The following TTLL11 variants were observed in gnomAD, a reference collection of about 807,000 sequenced individuals.
TTLL11 encodes tubulin polyglutamylase TTLL11.
In TTLL11, 42 loss-of-function variants were observed where a neutral mutation model predicts 51.7. The ratio of observed to expected loss-of-function variants is 0.81; its 90% CI spans 0.64 to 1.05. The LOEUF is 1.05. Among genes scored for constraint, TTLL11 ranks in the 50% least tolerant of loss-of-function variants. TTLL11 has a pLI of 0.00. For synonymous variants in TTLL11, 381 were observed against 383.5 expected, an observed-to-expected ratio of 0.99 and a Z score of 0.08; for missense variants, 799 against 940.4, an observed-to-expected ratio of 0.85 and a Z score of 1.97.
intron 7 of TTLL11, among the ~76,000 whole-genome samples, chr9:121,861,329 G>A (rs1187299383): frequency 6.6e-5 from 10 of 152,062 alleles, no homozygotes; most frequent in Admixed American, 6.5e-5. Flanking sequence ...CGCCCGCCTC[G>A]GCCTCCCCAA....
intron 1 of TTLL11, among the ~76,000 whole-genome samples, chr9:122,052,921 G>A (rs980041624): frequency 6.6e-6 from 1 of 152,240 alleles, no homozygotes; most frequent in Non-Finnish European, 1.5e-5. Context: ...TTGTAAAGGT[G>A]AAAACAACCG....
At chr9:122,011,119 T>C (rs568453280) in intron 3 of TTLL11, among the ~76,000 whole-genome samples, 6 of 152,322 alleles carry the variant, frequency 3.9e-5, no homozygotes, top group East Asian at 1.9e-4. Context: ...TCAGAGCTGA[T>C]GGTTTTACAA....
At chr9:121,965,350 C>T (rs1040799405) in intron 6 of TTLL11, among the ~76,000 whole-genome samples, 12 of 152,080 alleles carry the variant, frequency 7.9e-5, no homozygotes, top group African/African-American at 2.7e-4. Context: ...ACAATCATGG[C>T]GGAAGGCAAA....
At chr9:121,910,899 G>T (rs1457815328) in intron 6 of TTLL11, among the ~76,000 whole-genome samples, 1 of 152,148 alleles carries the variant, frequency 6.6e-6, no homozygotes, top group Non-Finnish European at 1.5e-5. Context: ...TTTTTAAAGT[G>T]TAAATCCTGA....
rs544963268 is a variant in TTLL11 at position 121,830,098 on chromosome 9, T to G, written c.1841-7219A>C. Among the ~76,000 whole-genome samples, 3 of 147,246 alleles carry G rather than the reference T, an allele frequency of 2.0e-5. No individual in the cohort carries two copies. The East Asian group carries it at 5.8e-4, about 28-fold the overall frequency. ...ATAAAGATGCATTTAATCCACTGAA[T>G]AGAATGTGAACCTTGTAACAGTCGT... On this transcript the variant is annotated intron_variant, in intron 8 of 8. Transcript: ENST00000321582.
intron 8 of TTLL11, among the ~76,000 whole-genome samples, chr9:121,847,818 C>T (rs1837560490): frequency 6.6e-6 from 1 of 152,048 alleles, no homozygotes; most frequent in Non-Finnish European, 1.5e-5. Context: ...CAGCATTACC[C>T]TAATACCTAA....
intron 6 of TTLL11, among the ~76,000 whole-genome samples, chr9:121,933,647 AAAT>A (rs1371029744): frequency 2.0e-5 from 3 of 152,378 alleles, no homozygotes; most frequent in Admixed American, 1.3e-4. Flanking sequence ...GTGTTAATGC[AAAT>A]AATGTATTTC....
In TTLL11 at chr9:121,819,404, G is replaced by A. The variant is rs1836506054; in HGVS notation, c.*3183C>T. ...TTCTGTGGGTCTGTCCTGTTCTCCT[G>A]ATGCTTCCCTCCCCAGATTGGTCCC... On this transcript the variant is annotated 3_prime_UTR_variant, in exon 9 of 9. Transcript: ENST00000321582. The A allele has an allele frequency of 6.6e-6, 1 of 152,384 alleles. No individual in the cohort carries two copies. The highest frequency in any genetic ancestry group is 6.5e-5 in the Admixed American group (1 of 15,276). 9.4% of individuals were successfully genotyped at this position (152,384 alleles called of 1,614,324 possible).
intron 8 of TTLL11, among the ~76,000 whole-genome samples, chr9:121,823,333 G>A (rs1438152484): frequency 1.3e-5 from 2 of 152,204 alleles, no homozygotes; most frequent in African/African-American, 4.8e-5. Flanking sequence ...ATCACTTGAG[G>A]TCAGTAGTTC....
chr9:122,053,801 T>C (rs1324727238), intron 1 of TTLL11, among the ~76,000 whole-genome samples: 1 of 152,134 alleles, frequency 6.6e-6, no homozygotes, highest in East Asian at 1.9e-4. Flanking sequence ...GTGGGCTACA[T>C]TCCTGTCTCA....
intron 3 of TTLL11, among the ~76,000 whole-genome samples, chr9:122,001,402 C>T (rs536985357): frequency 6.6e-6 from 1 of 152,158 alleles, no homozygotes; most frequent in South Asian, 2.1e-4. Context: ...CCGCACCCAG[C>T]TGCAACACTG....
At chr9:121,877,148 C>A (rs571632487) in intron 6 of TTLL11, among the ~76,000 whole-genome samples, 1 of 152,220 alleles carries the variant, frequency 6.6e-6, no homozygotes, top group Admixed American at 6.5e-5. Context: ...CCCTGCTGTT[C>A]GGCCAAGGCG....
intron 6 of TTLL11, among the ~76,000 whole-genome samples, chr9:121,952,631 C>T (rs972328599): frequency 6.6e-6 from 1 of 152,038 alleles, no homozygotes. Context: ...TCCTGCCCCC[C>T]ACACACTCTG....
intron 8 of TTLL11, among the ~76,000 whole-genome samples, chr9:121,823,417 A>T (rs1836645211): frequency 6.6e-6 from 1 of 152,160 alleles, no homozygotes; most frequent in Non-Finnish European, 1.5e-5. Flanking sequence ...GTGGTGGCAT[A>T]TGCCTGTAAT....
intron 3 of TTLL11, among the ~76,000 whole-genome samples, chr9:122,006,719 T>G (rs540930194): frequency 5.1e-4 from 77 of 152,246 alleles, no homozygotes; most frequent in Non-Finnish European, 9.4e-4. Context: ...ATGTGGTGGC[T>G]CACACCTGTA....
chr9:121,841,842 T>G (rs1424278840), intron 8 of TTLL11, among the ~76,000 whole-genome samples: 1 of 152,052 alleles, frequency 6.6e-6, no homozygotes, highest in African/African-American at 2.4e-5. Flanking sequence ...TCCCCCAGTA[T>G]GACAACTAAA....
At chr9:121,832,974 T>TG (rs1310354687) in intron 8 of TTLL11, among the ~76,000 whole-genome samples, 2 of 151,440 alleles carry the variant, frequency 1.3e-5, no homozygotes, top group Non-Finnish European at 2.9e-5. Context: ...AAACAAAAAC[T>TG]GGGGGGGAGT....
intron 6 of TTLL11, among the ~76,000 whole-genome samples, chr9:121,895,235 G>C (rs62573961): frequency 0.12 from 17,520 of 152,088 alleles, 1,175 homozygotes; most frequent in Admixed American, 0.21. Flanking sequence ...TGCAGATAAT[G>C]TTCACAATGA....
At chr9:122,033,756 G>A (rs749791271) in intron 2 of TTLL11, among the ~76,000 whole-genome samples, 11 of 152,170 alleles carry the variant, frequency 7.2e-5, no homozygotes, top group Non-Finnish European at 1.6e-4. Context: ...TCAGTGCCCA[G>A]GTCTTAGTTG....
Sources: gnomAD v4.1 joint callset for allele counts (sites outside exome capture counted in the v4.1 genomes callset) on GRCh38, gnomAD v4.1.1 for gene constraint, MANE v1.5 for transcripts, NCBI Gene and HGNC (gene_info 2026-07-23, HGNC 2026-07-21) for gene names.